CHODL: variants seen among roughly 807,000 people sequenced by gnomAD.
CHODL encodes transmembrane protein MT75.
In CHODL, 29 loss-of-function variants were observed where a neutral mutation model predicts 34.5. The observed-to-expected ratio is 0.84, with a 90% CI of 0.63 to 1.15. The LOEUF (loss-of-function observed/expected upper bound fraction) is 1.15. Among genes scored for constraint, CHODL ranks in the 50% most tolerant of loss-of-function variants. The pLI, the probability that CHODL is intolerant of heterozygous loss-of-function variation, is 0.00. For missense variants in CHODL, 332 were observed against 332.5 expected, an observed-to-expected ratio of 1.00 and a Z score of 0.01; for synonymous variants, 125 against 116.1, an observed-to-expected ratio of 1.08 and a Z score of -0.49.
At chr21:18,158,632 G>A (rs2073060597) in intron 2 of CHODL, among the ~76,000 whole-genome samples, 1 of 152,162 alleles carries the variant, frequency 6.6e-6, no homozygotes, top group Admixed American at 6.5e-5. Flanking sequence ...GAGGTCAGGA[G>A]TTCAAGACCA....
chr21:17,942,842 C>T (rs573164783), intron 1 of CHODL, among the ~76,000 whole-genome samples: 19 of 152,204 alleles, frequency 1.2e-4, no homozygotes, highest in Middle Eastern at 6.8e-3. Context: ...AGGAGGGACC[C>T]GGTAGAAGGT....
intron 2 of CHODL, among the ~76,000 whole-genome samples, chr21:18,167,229 G>C (rs996701435): frequency 1.9e-4 from 28 of 149,106 alleles, no homozygotes; most frequent in Non-Finnish European, 3.1e-4. Context: ...GTGTGTGTGT[G>C]TGTGTGTGTG....
chr21:18,230,971 C>T (rs919762768), intron 2 of CHODL, among the ~76,000 whole-genome samples: 1 of 151,430 alleles, frequency 6.6e-6, no homozygotes, highest in African/African-American at 2.4e-5. Context: ...TTCATTTATC[C>T]CTGCACAGGT....
chr21:18,231,014 C>A (rs2073973478), intron 2 of CHODL, among the ~76,000 whole-genome samples: 1 of 152,026 alleles, frequency 6.6e-6, no homozygotes, highest in South Asian at 2.1e-4. Flanking sequence ...TGATTCAATT[C>A]AACCAATGTT....
At chr21:18,213,725 A>T (rs1263172587) in intron 2 of CHODL, among the ~76,000 whole-genome samples, 3 of 152,110 alleles carry the variant, frequency 2.0e-5, no homozygotes, top group Non-Finnish European at 2.9e-5. Flanking sequence ...CACCTAGCAT[A>T]GTCAATGGAG....
intron 1 of CHODL, among the ~76,000 whole-genome samples, chr21:18,027,445 A>G (rs1471831183): frequency 1.3e-5 from 2 of 152,188 alleles, no homozygotes; most frequent in Admixed American, 1.3e-4. Flanking sequence ...ATTAATGATG[A>G]TAATATTGCT....
intron 2 of CHODL, among the ~76,000 whole-genome samples, chr21:18,075,898 A>C (rs547358270): frequency 2.0e-5 from 3 of 152,190 alleles, no homozygotes; most frequent in Non-Finnish European, 4.4e-5. Context: ...AAGAGTCTCT[A>C]GAGAGATCTC....
intron 2 of CHODL, among the ~76,000 whole-genome samples, chr21:18,066,921 C>T (rs889037952): frequency 6.6e-6 from 1 of 152,112 alleles, no homozygotes; most frequent in African/African-American, 2.4e-5. Context: ...AGAGAGGCCT[C>T]AGAAGAAACC....
intron 1 of CHODL, among the ~76,000 whole-genome samples, chr21:17,959,926 G>T (rs868220224): frequency 6.6e-6 from 1 of 152,136 alleles, no homozygotes; most frequent in African/African-American, 2.4e-5. Context: ...GATATTAGTT[G>T]CTGTGCTATG....
chr21:18,225,106 G>A (rs973809123), intron 2 of CHODL, among the ~76,000 whole-genome samples: 1 of 152,030 alleles, frequency 6.6e-6, no homozygotes, highest in African/African-American at 2.4e-5. Flanking sequence ...TCCTTACATT[G>A]TAGTGCTGAC....
chr21:18,190,293 CA>C (rs2080459609), intron 2 of CHODL, among the ~76,000 whole-genome samples: 1 of 152,112 alleles, frequency 6.6e-6, no homozygotes, highest in South Asian at 2.1e-4. Context: ...GGAAACAACA[CA>C]AATCCTTTTG....
At chr21:18,085,595 T>C (rs1436407979) in intron 2 of CHODL, among the ~76,000 whole-genome samples, 2 of 152,198 alleles carry the variant, frequency 1.3e-5, no homozygotes, top group Non-Finnish European at 2.9e-5. Context: ...TGGGAAAGAC[T>C]TTATTTCATT....
At chr21:18,012,867 C>G (rs529608425) in intron 1 of CHODL, among the ~76,000 whole-genome samples, 1 of 152,194 alleles carries the variant, frequency 6.6e-6, no homozygotes, top group South Asian at 2.1e-4. Flanking sequence ...GTTGTTTAAT[C>G]TTAATTACAT....
intron 1 of CHODL, among the ~76,000 whole-genome samples, chr21:17,924,499 G>A (rs1298299013): frequency 6.6e-6 from 1 of 152,200 alleles, no homozygotes; most frequent in Non-Finnish European, 1.5e-5. Flanking sequence ...CTCTTCCCTG[G>A]GCCTGACCTA....
In CHODL at chr21:18,266,348, C is replaced by A; in HGVS notation, c.*310C>A. ...ACGTCGGGAGTATGTGTGTTAGAAG[C>A]AATTCCTTTTATTTCTTTCACCTTT... On this transcript the variant is annotated 3_prime_UTR_variant, in exon 6 of 6. Transcript: ENST00000299295. 1.6e-6 allele frequency: 1 copy of A among 618,784 alleles called. No individual in the cohort carries two copies. The highest frequency in any genetic ancestry group is 2.6e-6 in the Non-Finnish European group (1 of 380,788). 38.3% of individuals were successfully genotyped at this position (618,784 alleles called of 1,614,324 possible). A position where few individuals can be genotyped will look rare whatever the true frequency, so the allele number is the denominator to read the frequency against.
chr21:18,108,910 A>G (rs2065311996), intron 2 of CHODL, among the ~76,000 whole-genome samples: 1 of 149,038 alleles, frequency 6.7e-6, no homozygotes, highest in Non-Finnish European at 1.5e-5. Flanking sequence ...ATTTTGTATC[A>G]TGTAGTGTGG....
chr21:18,188,948 A>G (rs1053424831), intron 2 of CHODL, among the ~76,000 whole-genome samples: 1 of 152,226 alleles, frequency 6.6e-6, no homozygotes, highest in Non-Finnish European at 1.5e-5. Flanking sequence ...TGCCAGTTCA[A>G]GATTGGACAG....
chr21:18,039,276 G>T (rs1356605255), intron 2 of CHODL, among the ~76,000 whole-genome samples: 1 of 151,698 alleles, frequency 6.6e-6, no homozygotes, highest in East Asian at 1.9e-4. Flanking sequence ...ATTTTAAGAA[G>T]AAATCTATTT....
chr21:17,984,720 T>C lies in CHODL; in HGVS notation c.-144-43152T>C, dbSNP rs77502854. On this transcript the variant is annotated intron_variant, in intron 1 of 6. Transcript: ENST00000400127. ...AGGCTTTCCCCAGCATAAATTTGTA[T>C]CAGTAGACTCAGATTTTCTTCTGGT... 4.0e-3 allele frequency among the ~76,000 whole-genome samples: 606 copies of C among 152,266 alleles called. 1 individual carries two copies. Among genetic ancestry groups the C allele is most frequent in the African/African-American group, 0.014 (583 of 41,562 alleles).
Sources: allele counts gnomAD v4.1 joint callset (sites outside exome capture counted in the v4.1 genomes callset), GRCh38; gene constraint gnomAD v4.1.1; transcripts MANE v1.5; gene names NCBI Gene and HGNC (gene_info 2026-07-23, HGNC 2026-07-21).